The following MYL1 variants were observed in gnomAD, a reference collection of about 807,000 sequenced individuals.
MYL1 encodes myosin light chain 1, also known as myosin light chain 1/3, skeletal muscle isoform.
Under a neutral mutation model 21.8 loss-of-function variants are expected in MYL1, and 16 were observed. That is an observed-to-expected ratio of 0.74 (90% CI 0.50 to 1.12). The LOEUF is 1.12. Ranked by LOEUF, MYL1 falls within the 50% of genes most tolerant of loss-of-function variation. MYL1 has a pLI of 0.00. For synonymous variants in MYL1, 99 were observed against 85.2 expected (o/e 1.16, Z -0.89); for missense variants, 246 against 241.0 (o/e 1.02, Z -0.14).
At chr2:210,291,621 T>C (rs1262002602) in intron 5 of MYL1, among the ~76,000 whole-genome samples, 1 of 152,222 alleles carries the variant, frequency 6.6e-6, no homozygotes, top group Non-Finnish European at 1.5e-5. Context: ...CATTGTTTTG[T>C]ATTCCTTTTT....
In MYL1 at chr2:210,314,026, A is replaced by G. The variant is rs540905719; in HGVS notation, c.132+885T>C. ...GCCAATCAGAACTCAGTGAATGAAG[A>G]GAAGGTGCACATTTAATGAGTCACA... On this transcript the variant is annotated intron_variant, in intron 1 of 6. Transcript: ENST00000352451. Among the ~76,000 whole-genome samples, 20 of 152,260 alleles carry G rather than the reference A, an allele frequency of 1.3e-4. No homozygotes were observed. The South Asian group carries it at 4.1e-3, about 32-fold the overall frequency.
At chr2:210,302,459 C>A in intron 2 of MYL1, 29 bp downstream of exon 2, 1 of 1,598,462 alleles carries the variant, frequency 6.3e-7, no homozygotes, top group Admixed American at 1.8e-5. Context: ...TGAGTGTGCA[C>A]ATTTAAGAAC....
At chr2:210,298,058 C>A (rs1048522562) in intron 3 of MYL1, among the ~76,000 whole-genome samples, 4 of 152,124 alleles carry the variant, frequency 2.6e-5, no homozygotes, top group Middle Eastern at 6.8e-3. Flanking sequence ...GATATTATTT[C>A]ATTACATTAG....
At chr2:210,304,997 A>G (rs1176212649) in intron 1 of MYL1, among the ~76,000 whole-genome samples, 1 of 152,178 alleles carries the variant, frequency 6.6e-6, no homozygotes, top group African/African-American at 2.4e-5. Flanking sequence ...GTTCACACAA[A>G]ATATTTATCA....
At chr2:210,294,200 C>G in intron 4 of MYL1, 45 bp downstream of exon 4, 1 of 1,524,946 alleles carries the variant, frequency 6.6e-7, no homozygotes, top group Non-Finnish European at 8.8e-7. Context: ...ATGTTCTTTT[C>G]TATATATTCT....
At chr2:210,307,783 A>G (rs191437621) in intron 1 of MYL1, among the ~76,000 whole-genome samples, 57 of 152,334 alleles carry the variant, frequency 3.7e-4, no homozygotes, top group South Asian at 6.2e-4. Context: ...TCTAATAGTA[A>G]TAATGAGATT....
intron 1 of MYL1, among the ~76,000 whole-genome samples, chr2:210,307,020 C>T (rs986263182): frequency 5.9e-5 from 9 of 152,160 alleles, no homozygotes; most frequent in Non-Finnish European, 1.2e-4. Context: ...TTTCTTCTCT[C>T]TGGAATGCTC....
intron 5 of MYL1, among the ~76,000 whole-genome samples, chr2:210,292,018 T>C (rs1395604524): frequency 6.6e-6 from 1 of 152,172 alleles, no homozygotes; most frequent in African/African-American, 2.4e-5. Flanking sequence ...TGCCCAAACA[T>C]TTAATCTTTG....
intron 1 of MYL1, among the ~76,000 whole-genome samples, chr2:210,309,230 A>T (rs867970218): frequency 6.6e-6 from 1 of 152,018 alleles, no homozygotes; most frequent in Non-Finnish European, 1.5e-5. Flanking sequence ...GAAAGGAAGG[A>T]TGCCTAAAAA....
In MYL1 at chr2:210,294,340, G is replaced by A; in HGVS notation, c.383C>T (p.Thr128Ile). 8.7e-6 allele frequency: 14 copies of A among 1,614,010 alleles called. No homozygotes were observed. The highest frequency in any genetic ancestry group is 1.2e-5 in the Non-Finnish European group (14 of 1,179,968). Residue 128 changes from threonine to isoleucine, a missense_variant, in exon 4 of 7, where the codon ACC becomes ATC. Transcript: ENST00000352451. ...QAISNNKDQA[T>I]YEDFVEGLRV... is the part of the protein sequence containing the mutation. ...CAGACCCTCAACAAAGTCTTCATAG[G>A]TGGCCTGGTCCTTGTTGTTGGAAAT... is the stretch of plus-strand genomic sequence containing the variant.
At chr2:210,296,074 T>C (rs1690170310) in intron 3 of MYL1, among the ~76,000 whole-genome samples, 1 of 152,170 alleles carries the variant, frequency 6.6e-6, no homozygotes, top group Non-Finnish European at 1.5e-5. Flanking sequence ...CATACCCCTC[T>C]CTCTGTTTCC....
intron 1 of MYL1, among the ~76,000 whole-genome samples, chr2:210,311,844 G>A (rs181044598): frequency 6.6e-6 from 1 of 152,042 alleles, no homozygotes; most frequent in African/African-American, 2.4e-5. Flanking sequence ...GGCAAAGAGT[G>A]CTTAGAACCA....
intron 3 of MYL1, 124 bp from the exon 4 acceptor site, chr2:210,294,542 G>T: frequency 1.2e-6 from 1 of 834,542 alleles, no homozygotes; most frequent in Non-Finnish European, 1.8e-6. Flanking sequence ...ATTTCAGCTG[G>T]TAAATTGCTA....
intron 1 of MYL1, among the ~76,000 whole-genome samples, chr2:210,311,297 G>A (rs539935074): frequency 4.6e-5 from 7 of 151,824 alleles, no homozygotes; most frequent in African/African-American, 1.7e-4. Context: ...GTGCCACAAT[G>A]CGTATAAAAC....
chr2:210,293,934 A>G, intron 4 of MYL1, 134 bp from the exon 5 acceptor site: 1 of 773,906 alleles, frequency 1.3e-6, no homozygotes, highest in Non-Finnish European at 2.1e-6. Context: ...TTCTTTTGGT[A>G]CTTAATATAT....
chr2:210,301,059 CATT>C (rs964216531), intron 2 of MYL1, among the ~76,000 whole-genome samples: 1 of 152,142 alleles, frequency 6.6e-6, no homozygotes, highest in Non-Finnish European at 1.5e-5. Flanking sequence ...AACGTTAAAT[CATT>C]GAGTCCTTGC....
chr2:210,298,129 C>A (rs2125740321), intron 3 of MYL1, among the ~76,000 whole-genome samples: 1 of 151,910 alleles, frequency 6.6e-6, no homozygotes, highest in African/African-American at 2.4e-5. Context: ...ATATCTAATG[C>A]TTAACATTAG....
In MYL1 at chr2:210,294,052, TATTTTAAGTTAAC is replaced by T. The variant is rs138827066; in HGVS notation, c.478+180_478+192del. Among the ~76,000 whole-genome samples, 817 of 152,344 alleles carry T rather than the reference TATTTTAAGTTAAC, an allele frequency of 5.4e-3. 10 individuals carry two copies. The highest frequency in any genetic ancestry group is 0.019 in the African/African-American group (772 of 41,568). On this transcript the variant is annotated intron_variant, in intron 4 of 6. Transcript: ENST00000352451. ...CTTTCCTTTACTTATTCATTACCAATATTTTAAGTTAACATTTTCACCAAACTCACTGCCACTG... is the reference window on the plus strand; with the variant it reads ...CTTTCCTTTACTTATTCATTACCAATATTTTCACCAAACTCACTGCCACTG...
chr2:210,307,839 C>T (rs1172024423), intron 1 of MYL1, among the ~76,000 whole-genome samples: 1 of 152,032 alleles, frequency 6.6e-6, no homozygotes, highest in Non-Finnish European at 1.5e-5. Flanking sequence ...TAGGTTGGTG[C>T]AAAAGTAATT....
Sources: allele counts gnomAD v4.1 joint callset (sites outside exome capture counted in the v4.1 genomes callset), GRCh38; gene constraint gnomAD v4.1.1; transcripts MANE v1.5; gene names NCBI Gene and HGNC (gene_info 2026-07-23, HGNC 2026-07-21).